The following NHSL1 variants were observed in gnomAD, a reference collection of about 807,000 sequenced individuals.
NHSL1 encodes NHS like 1.
NHSL1 carries 48 observed loss-of-function variants against 95.0 expected under a neutral mutation model. That is an observed-to-expected ratio of 0.51 (90% CI 0.40 to 0.64). The LOEUF is 0.64. Among genes scored for constraint, NHSL1 ranks in the 30% least tolerant of loss-of-function variants. The pLI is 0.00. For missense variants in NHSL1, 1,971 were observed against 2,077.7 expected (o/e 0.95, Z 1.00); for synonymous variants, 783 against 833.9 (o/e 0.94, Z 1.05).
Position 138,430,461 on chromosome 6 carries a change from T to G in NHSL1, c.3884A>C (p.Glu1295Ala), listed in dbSNP as rs1775558854. ...PDVSPAPKQE[E>A]PAENSADTGG... is the part of the protein sequence containing the mutation. ...AGTATCCGCACTGTTCTCGGCTGGC[T>G]CCTCCTGCTTGGGGGCTGGTGAGAC... is the stretch of plus-strand genomic sequence containing the variant. The change falls in exon 6 of 8, where the codon GAG becomes GCG. Residue 1295 changes from glutamate to alanine, a missense_variant. By Grantham distance (107) the Glu-to-Ala change is moderately radical (BLOSUM62 -1). Around this residue, in one of 3 missense-constraint regions of NHSL1, gnomAD observed 1,602 missense variants for 1,654.5 expected, o/e 0.97. Transcript: ENST00000343505. The surrounding 1 kb of genome is among the most constrained non-coding windows in gnomAD (Gnocchi z 4.7). 2 of 1,548,996 alleles carry G rather than the reference T, an allele frequency of 1.3e-6. No homozygotes were observed. Among genetic ancestry groups the G allele is most frequent in the East Asian group, 4.9e-5 (2 of 40,860 alleles).
rs77851418 is a variant in NHSL1 at position 138,597,955 on chromosome 6, T to C, written c.96+94521A>G. On this transcript the variant is annotated intron_variant, in intron 1 of 3. Coordinates refer to the NHSL1 transcript ENST00000491526. ...ATGATAATGTCATCAGTGACCTTGA[T>C]GATGATTTCCAGCAGAGAAGGCGGT... 5.9e-4 allele frequency among the ~76,000 whole-genome samples: 90 copies of C among 152,176 alleles called. 1 individual carries two copies. In the East Asian group the frequency reaches 6.8e-3, roughly 11 times the overall value.
chr6:138,600,884 G>C (rs1274408817), intron 1 of NHSL1, among the ~76,000 whole-genome samples: 1 of 152,156 alleles, frequency 6.6e-6, no homozygotes, highest in Non-Finnish European at 1.5e-5. Flanking sequence ...TCTGTAACAT[G>C]ATATATCTAC....
chr6:138,571,034 T>C (rs147719179), intron 1 of NHSL1, among the ~76,000 whole-genome samples: 1 of 152,318 alleles, frequency 6.6e-6, no homozygotes, highest in East Asian at 1.9e-4. Flanking sequence ...CCAGCAGGAC[T>C]GGTATTTTTT....
intron 1 of NHSL1, among the ~76,000 whole-genome samples, chr6:138,611,801 T>C (rs9484188): frequency 0.016 from 2,385 of 151,190 alleles, 65 homozygotes; most frequent in African/African-American, 0.054. Flanking sequence ...GACCTAGAAA[T>C]AAATGCGACA....
chr6:138,550,557 C>T (rs979270027), upstream of NHSL1, among the ~76,000 whole-genome samples: 32 of 152,280 alleles, frequency 2.1e-4, no homozygotes, highest in African/African-American at 7.2e-4. Flanking sequence ...TTACAACATC[C>T]AGCATCATGT....
At chr6:138,662,959 G>T (rs1785244892) in intron 1 of NHSL1, among the ~76,000 whole-genome samples, 1 of 150,150 alleles carries the variant, frequency 6.7e-6, no homozygotes, top group African/African-American at 2.5e-5. Flanking sequence ...AAAAAAAAAT[G>T]GTTACCTGTG....
intron 5 of NHSL1, among the ~76,000 whole-genome samples, chr6:138,437,911 G>A (rs1776294023): frequency 6.6e-6 from 1 of 152,204 alleles, no homozygotes; most frequent in South Asian, 2.1e-4. Context: ...CTTGAACAAC[G>A]AGGCATTGCT....
chr6:138,571,738 G>C, exon 1 of NHSL1: 1 of 1,552,236 alleles, frequency 6.4e-7, no homozygotes, highest in East Asian at 2.4e-5. Flanking sequence ...TGTATATCCA[G>C]TTTTCGTCAT....
chr6:138,506,117 G>A (rs1341606103), intron 1 of NHSL1, among the ~76,000 whole-genome samples: 1 of 152,128 alleles, frequency 6.6e-6, no homozygotes, highest in African/African-American at 2.4e-5. Context: ...AATGTACAGA[G>A]TAGTAAGGGA....
chr6:138,512,301 G>T (rs1781268134), intron 1 of NHSL1: 1 of 455,704 alleles, frequency 2.2e-6, no homozygotes, highest in South Asian at 1.6e-5. Flanking sequence ...ACGGGAAAGA[G>T]GAATCGGTCA....
intron 5 of NHSL1, among the ~76,000 whole-genome samples, chr6:138,434,068 G>A (rs1201283366): frequency 6.6e-6 from 1 of 152,162 alleles, no homozygotes; most frequent in African/African-American, 2.4e-5. Context: ...ATCAAGCAGT[G>A]ACACATCTTT....
chr6:138,686,121 C>T (rs1785581778), intron 1 of NHSL1, among the ~76,000 whole-genome samples: 1 of 151,832 alleles, frequency 6.6e-6, no homozygotes. Context: ...GTGACCATAG[C>T]TAATAACATG....
chr6:138,680,526 T>C (rs993820488), intron 1 of NHSL1, among the ~76,000 whole-genome samples: 2 of 152,372 alleles, frequency 1.3e-5, no homozygotes, highest in African/African-American at 2.4e-5. Flanking sequence ...CATGTGGATA[T>C]CTAGATTAAA....
chr6:138,502,552 ATCC>A (rs1400653005), upstream of NHSL1, among the ~76,000 whole-genome samples: 1 of 152,198 alleles, frequency 6.6e-6, no homozygotes, highest in East Asian at 1.9e-4. Flanking sequence ...GCCTCCAGCA[ATCC>A]TCCCACCTCA....
chr6:138,576,289 G>A (rs1322646974), upstream of NHSL1, among the ~76,000 whole-genome samples: 1 of 152,032 alleles, frequency 6.6e-6, no homozygotes, highest in Admixed American at 6.6e-5. Context: ...ACCGCTCCCC[G>A]CCTGCAAATC....
At chr6:138,444,435 A>AT (rs1386249839) in intron 4 of NHSL1, among the ~76,000 whole-genome samples, 2 of 152,104 alleles carry the variant, frequency 1.3e-5, no homozygotes, top group Admixed American at 6.5e-5. Context: ...CATATTAAGT[A>AT]TTTTTTCCTC....
intron 1 of NHSL1, among the ~76,000 whole-genome samples, chr6:138,602,097 TGTTA>T: frequency 6.6e-6 from 1 of 152,214 alleles, no homozygotes; most frequent in East Asian, 1.9e-4. Flanking sequence ...TTTTTAAGCT[TGTTA>T]TTTTGATATC....
intron 1 of NHSL1, among the ~76,000 whole-genome samples, chr6:138,542,219 G>T (rs1407386571): frequency 6.6e-6 from 1 of 152,198 alleles, no homozygotes; most frequent in African/African-American, 2.4e-5. Flanking sequence ...CGAAAGCCAA[G>T]AAATGCCTGG....
chr6:138,600,665 A>G (rs1349104930), intron 1 of NHSL1, among the ~76,000 whole-genome samples: 1 of 152,178 alleles, frequency 6.6e-6, no homozygotes, highest in East Asian at 1.9e-4. Flanking sequence ...ATACCTTTTA[A>G]ATTCAGAGCT....
Sources: allele counts gnomAD v4.1 joint callset (sites outside exome capture counted in the v4.1 genomes callset), GRCh38; gene constraint gnomAD v4.1.1; regional missense constraint gnomAD v4.1.1; non-coding constraint Gnocchi (gnomAD v3.1); transcripts MANE v1.5; gene names NCBI Gene and HGNC (gene_info 2026-07-23, HGNC 2026-07-21).